Variants in TMEM51 observed in about 807,000 individuals in gnomAD.
TMEM51 encodes chromosome 1 open reading frame 72.
A neutral mutation model predicts 13.6 loss-of-function variants in TMEM51; 8 were observed. The ratio of observed to expected loss-of-function variants is 0.59; its 90% confidence interval spans 0.35 to 1.07. TMEM51 has a LOEUF of 1.07. Among genes scored for constraint, TMEM51 ranks in the 50% least tolerant of loss-of-function variants. The probability of loss-of-function intolerance (pLI) is 0.02; values close to 1 mark genes in which losing one functional copy is unlikely to be tolerated. For missense variants in TMEM51, 279 were observed against 330.7 expected, an observed-to-expected ratio of 0.84 and a Z score of 1.21; for synonymous variants, 147 against 144.4, an observed-to-expected ratio of 1.02 and a Z score of -0.13.
chr1:15,163,113 C>T (rs1035666090), intron 1 of TMEM51, among the ~76,000 whole-genome samples: 7 of 152,112 alleles, frequency 4.6e-5, no homozygotes, highest in African/African-American at 1.7e-4. Context: ...TGCGTTCTCT[C>T]TACAGACCAG....
At chr1:15,157,652 G>C (rs1642633735) in intron 1 of TMEM51, among the ~76,000 whole-genome samples, 1 of 152,214 alleles carries the variant, frequency 6.6e-6, no homozygotes, top group Non-Finnish European at 1.5e-5. Context: ...CAAGGGTCCT[G>C]AAAGATGAGG....
rs766562634 is a variant in TMEM51, at chr1:15,215,202, G to A, written c.115G>A (p.Ala39Thr). The A allele has an allele frequency of 3.2e-5, 52 of 1,614,088 alleles. No individual in the cohort carries two copies. In the Middle Eastern group the frequency reaches 1.3e-3, roughly 41 times the overall value. The change falls in exon 3 of 4, where the codon GCG (alanine) becomes ACG (threonine). Residue 39 changes from alanine (A) to threonine (T), a missense_variant. By Grantham distance (58) the Ala-to-Thr change is moderately conservative (BLOSUM62 0). Transcript: ENST00000376008. ...GTGGAACCTGGTACCCGGCTTCAGC[G>A]CGGCCGAGAAGCCAACAGCTCAGGG... is the stretch of plus-strand genomic sequence containing the variant. ...AMWNLVPGFS[A>T]AEKPTAQGSN... is the part of the protein sequence containing the mutation.
At chr1:15,158,638 A>G (rs897059750) in intron 1 of TMEM51, among the ~76,000 whole-genome samples, 1 of 152,068 alleles carries the variant, frequency 6.6e-6, no homozygotes, top group African/African-American at 2.4e-5. Flanking sequence ...ATGTGCAGAG[A>G]ATTTGTTTCC....
intron 1 of TMEM51, among the ~76,000 whole-genome samples, chr1:15,158,161 C>T (rs1431774122): frequency 3.3e-5 from 5 of 152,160 alleles, no homozygotes; most frequent in African/African-American, 4.8e-5. Flanking sequence ...AGTGACTTCA[C>T]GCAGGATCTA....
chr1:15,171,255 G>A, intron 1 of TMEM51: 2 of 1,304,252 alleles, frequency 1.5e-6, no homozygotes, highest in Non-Finnish European at 2.0e-6. Context: ...CAAAAGGTTT[G>A]CAGGTCAGAG....
At chr1:15,194,867 C>T (rs1284239189) in intron 1 of TMEM51, among the ~76,000 whole-genome samples, 2 of 151,184 alleles carry the variant, frequency 1.3e-5, no homozygotes, top group Non-Finnish European at 2.9e-5. Flanking sequence ...AGCGCACCTG[C>T]AGCAACACTA....
At chr1:15,166,820 A>C (rs1318317747) in intron 1 of TMEM51, among the ~76,000 whole-genome samples, 2 of 152,170 alleles carry the variant, frequency 1.3e-5, no homozygotes, top group African/African-American at 2.4e-5. Flanking sequence ...ACTCACAAGC[A>C]ATCATGTAAC....
At chr1:15,171,025 T>C (rs1180459166) in intron 1 of TMEM51, among the ~76,000 whole-genome samples, 5 of 152,064 alleles carry the variant, frequency 3.3e-5, no homozygotes, top group Admixed American at 3.3e-4. Context: ...TGAGTGGTTC[T>C]CCATCTTCAG....
At chr1:15,205,391 G>T (rs1344558926) in intron 1 of TMEM51, among the ~76,000 whole-genome samples, 1 of 152,180 alleles carries the variant, frequency 6.6e-6, no homozygotes, top group Non-Finnish European at 1.5e-5. Flanking sequence ...ATCGCTGTGG[G>T]ATTACTGAGG....
chr1:15,207,817 C>A lies in TMEM51; in HGVS notation c.-266-2673C>A, dbSNP rs916965720. Among the ~76,000 whole-genome samples, 2 of 152,230 alleles carry A rather than the reference C, an allele frequency of 1.3e-5. No homozygotes were observed. Among genetic ancestry groups the A allele is most frequent in the African/African-American group, 2.4e-5 (1 of 41,464 alleles). On this transcript the variant is annotated intron_variant, in intron 1 of 3. Coordinates refer to ENST00000376008, the MANE Select transcript of TMEM51 (RefSeq NM_001136218.2). This position sits in a 1 kb window ranked among gnomAD's most constrained non-coding sequence, Gnocchi z 4.6. ...CTTTCTCAGGTCACAACGGAAATCACATTTATTCTGCATATTTTCCTCATG... is the reference window on the plus strand; with the variant it reads ...CTTTCTCAGGTCACAACGGAAATCAAATTTATTCTGCATATTTTCCTCATG...
chr1:15,200,682 C>T (rs1334080407), intron 1 of TMEM51, among the ~76,000 whole-genome samples: 2 of 152,130 alleles, frequency 1.3e-5, no homozygotes, highest in African/African-American at 4.8e-5. Flanking sequence ...ATCTCTCTTC[C>T]CCTCCCCTTC....
chr1:15,217,656 T>G (rs1056611828), intron 3 of TMEM51, among the ~76,000 whole-genome samples: 3 of 152,096 alleles, frequency 2.0e-5, no homozygotes, highest in Non-Finnish European at 4.4e-5. Context: ...GATCCTAGTC[T>G]GAGAGCAGGA....
At chr1:15,157,669 C>T (rs760917386) in intron 1 of TMEM51, among the ~76,000 whole-genome samples, 19 of 152,132 alleles carry the variant, frequency 1.2e-4, no homozygotes, top group Non-Finnish European at 2.2e-4. Flanking sequence ...GAGGTGTGCA[C>T]ATTGAGGAGT....
At chr1:15,181,573 G>A (rs1255023074) in intron 1 of TMEM51, among the ~76,000 whole-genome samples, 1 of 152,212 alleles carries the variant, frequency 6.6e-6, no homozygotes, top group Non-Finnish European at 1.5e-5. Context: ...GATTCGGGCT[G>A]ATGGTTACCG....
chr1:15,216,108 A>G (rs548469247), intron 3 of TMEM51, among the ~76,000 whole-genome samples: 1 of 152,282 alleles, frequency 6.6e-6, no homozygotes, highest in South Asian at 2.1e-4. Flanking sequence ...CTCTTAAGTG[A>G]ACCAGCATTT....
intron 1 of TMEM51, chr1:15,192,461 C>CTTTTTTTTTTTTTTTTT (rs1553201486): frequency 2.8e-3 from 109 of 38,300 alleles, no homozygotes; most frequent in Non-Finnish European, 3.6e-3. Context: ...TTTTCTTTTC[C>CTTTTTTTTTTTTTTTTT]TTTTTTTTTA....
rs6673615 is a variant in TMEM51 at position 15,161,413 on chromosome 1, A to C, written c.-267+7459A>C. Among the ~76,000 whole-genome samples the C allele has an allele frequency of 6.6e-6, 1 of 151,680 alleles. No individual in the cohort carries two copies. The highest frequency in any genetic ancestry group is 1.5e-5 in the Non-Finnish European group (1 of 67,978). On this transcript the variant is annotated intron_variant, in intron 1 of 3. Coordinates refer to ENST00000376008, the MANE Select transcript of TMEM51 (RefSeq NM_001136218.2). The surrounding 1 kb of genome is among the most constrained non-coding windows in gnomAD (Gnocchi z 4.0). ...CCCAGCTACTCAGGAGGCTGACCAC[A>C]GGAATCGCTTGAACCTGGAAAGCAG...
intron 2 of TMEM51, among the ~76,000 whole-genome samples, chr1:15,213,457 C>T (rs1316277): frequency 0.15 from 23,412 of 152,190 alleles, 1,965 homozygotes; most frequent in East Asian, 0.3. Context: ...AGCTAAACAT[C>T]TTGTAAATTT....
Position 15,164,442 on chromosome 1 carries a change from T to C in TMEM51, c.-267+10488T>C, listed in dbSNP as rs1393368093. The C allele has an allele frequency of 8.8e-6, 4 of 455,938 alleles. No homozygotes were observed. In the East Asian group the frequency reaches 2.8e-4, roughly 32 times the overall value. 28.2% of individuals were successfully genotyped at this position (455,938 alleles called of 1,614,324 possible). A position where few individuals can be genotyped will look rare whatever the true frequency, so the allele number is the denominator to read the frequency against. ...GTCTTCTCGTGACTGGACTGGGCCT[T>C]TGGGTTTTGGGAAAGAATCCTACAA... On this transcript the variant is annotated intron_variant, in intron 1 of 3. Coordinates refer to ENST00000376008, the MANE Select transcript of TMEM51 (RefSeq NM_001136218.2).
Sources: allele counts gnomAD v4.1 joint callset (sites outside exome capture counted in the v4.1 genomes callset), GRCh38; gene constraint gnomAD v4.1.1; non-coding constraint Gnocchi (gnomAD v3.1); transcripts MANE v1.5; gene names NCBI Gene and HGNC (gene_info 2026-07-23, HGNC 2026-07-21).